The following EBF3 variants were observed in gnomAD, a reference collection of about 807,000 sequenced individuals.
EBF3 encodes EBF transcription factor 3.
Under a neutral mutation model 77.1 loss-of-function variants are expected in EBF3, and 18 were observed. That is an observed-to-expected ratio of 0.23 (90% CI 0.16 to 0.35). The LOEUF (loss-of-function observed/expected upper bound fraction) is 0.35. EBF3 is among the 10% of genes least tolerant of loss of function. The probability of loss-of-function intolerance (pLI) is 1.00; values close to 1 mark genes in which losing one functional copy is unlikely to be tolerated. For missense variants in EBF3, 558 were observed against 860.0 expected (o/e 0.65, Z 4.39); for synonymous variants, 350 against 343.5 (o/e 1.02, Z -0.21).
chr10:129,871,528 T>C (rs4750779), intron 8 of EBF3, among the ~76,000 whole-genome samples: 71,302 of 151,840 alleles, frequency 0.47, 17,229 homozygotes, highest in Non-Finnish European at 0.52. Context: ...GGGGGCACTT[T>C]CCTTAAAGGA....
intron 6 of EBF3, among the ~76,000 whole-genome samples, chr10:129,927,110 C>A (rs908931366): frequency 6.6e-6 from 1 of 152,186 alleles, no homozygotes; most frequent in Non-Finnish European, 1.5e-5. Context: ...CACTGCCAGT[C>A]CATTCAGTTG....
Position 129,963,708 on chromosome 10 carries a change from C to A in EBF3, c.61G>T (p.Gly21Cys), listed in dbSNP as rs150909132. Residue 21 changes from glycine (G) to cysteine (C), a missense_variant, in exon 1 of 17, where the codon GGC (glycine) becomes TGC (cysteine). Gly to Cys is a radical substitution (Grantham distance 159). Around this residue, in one of 5 missense-constraint regions of EBF3, gnomAD observed 64 missense variants for 54.5 expected, o/e 1.18. Transcript: ENST00000440978. This position sits in a 1 kb window ranked among gnomAD's most constrained non-coding sequence, Gnocchi z 7.1. ...GAGCGCACCGGGTTCATGCCGCTGC[C>A]CAGCGGCTCCTCCTTCATGGTCGTC... Reference protein sequence around the residue: ...GGTTMKEEPLGSGMNPVRSWM... With the variant: ...GGTTMKEEPLCSGMNPVRSWM... 3 of 1,535,910 alleles carry A rather than the reference C, an allele frequency of 2.0e-6. No individual in the cohort carries two copies. The African/African-American group carries it at 4.3e-5, about 22-fold the overall frequency.
chr10:129,881,294 C>T (rs570587192), intron 6 of EBF3, among the ~76,000 whole-genome samples: 61 of 152,216 alleles, frequency 4.0e-4, no homozygotes, highest in Non-Finnish European at 7.2e-4. Context: ...TCTCTCGTTG[C>T]ATCTGTTGGC....
chr10:129,872,248 T>C (rs990232217), intron 8 of EBF3, among the ~76,000 whole-genome samples: 4 of 152,160 alleles, frequency 2.6e-5, no homozygotes, highest in African/African-American at 4.8e-5. Context: ...TTAGTGACGG[T>C]TGCTAAGCAA....
At chr10:129,912,203 C>T (rs1564881684) in intron 6 of EBF3, among the ~76,000 whole-genome samples, 1 of 152,160 alleles carries the variant, frequency 6.6e-6, no homozygotes, top group African/African-American at 2.4e-5. Context: ...TCCTGGCCTC[C>T]AAGGTAGAGG....
chr10:129,871,808 C>A (rs543134458), intron 8 of EBF3, among the ~76,000 whole-genome samples: 7 of 152,256 alleles, frequency 4.6e-5, no homozygotes, highest in Admixed American at 2.6e-4. Flanking sequence ...CTCAGAGTCA[C>A]CCTATTGGCA....
At chr10:129,844,190 C>CT (rs1228233575) in intron 11 of EBF3, among the ~76,000 whole-genome samples, 4 of 152,160 alleles carry the variant, frequency 2.6e-5, no homozygotes, top group Non-Finnish European at 5.9e-5. Flanking sequence ...CTGCGGACCC[C>CT]AGGCCCGGTC....
At chr10:129,948,250 A>G (rs1298005044) in intron 6 of EBF3, among the ~76,000 whole-genome samples, 1 of 124,874 alleles carries the variant, frequency 8.0e-6, no homozygotes, top group Non-Finnish European at 1.7e-5. Flanking sequence ...AAGAGCAAAA[A>G]CTCCGTCTCA....
intron 6 of EBF3, among the ~76,000 whole-genome samples, chr10:129,905,305 C>A (rs2134262952): frequency 6.6e-6 from 1 of 152,254 alleles, no homozygotes; most frequent in Admixed American, 6.5e-5. Flanking sequence ...TCCAATACAC[C>A]AGATTCCCAA....
intron 6 of EBF3, among the ~76,000 whole-genome samples, chr10:129,896,493 C>T (rs926007288): frequency 3.9e-5 from 6 of 152,206 alleles, no homozygotes; most frequent in Admixed American, 6.5e-5. Context: ...GCTGGCTGGA[C>T]GGGGCGGGGG....
At chr10:129,918,288 G>C (rs1856028492) in intron 6 of EBF3, among the ~76,000 whole-genome samples, 1 of 152,242 alleles carries the variant, frequency 6.6e-6, no homozygotes, top group Non-Finnish European at 1.5e-5. Flanking sequence ...GCTGGGTCCA[G>C]GGGCCAAGAC....
intron 6 of EBF3, among the ~76,000 whole-genome samples, chr10:129,927,395 T>C (rs1030010141): frequency 1.3e-5 from 2 of 152,212 alleles, no homozygotes; most frequent in African/African-American, 4.8e-5. Context: ...CTATATACCA[T>C]CTTCATGCAA....
In EBF3 at chr10:129,885,807, C is replaced by T. The variant is rs1309501185; in HGVS notation, c.555-7958G>A. Among the ~76,000 whole-genome samples, 1 of 152,128 alleles carries T rather than the reference C, an allele frequency of 6.6e-6. No homozygotes were observed. The highest frequency in any genetic ancestry group is 1.9e-4 in the East Asian group (1 of 5,184). ...ATCACTTGGCTCACAACAGACGCAC[C>T]CCCCTGACTTGTTGCCAGCTCCAGG... On this transcript the variant is annotated intron_variant, in intron 6 of 16. Coordinates refer to ENST00000440978, the MANE Select transcript of EBF3 (RefSeq NM_001375380.1). This position sits in a 1 kb window ranked among gnomAD's most constrained non-coding sequence, Gnocchi z 4.0.
In EBF3 at chr10:129,841,417, G is replaced by A. The variant is rs1041382313; in HGVS notation, c.1373-385C>T. 1.3e-5 allele frequency among the ~76,000 whole-genome samples: 2 copies of A among 152,144 alleles called. No individual in the cohort carries two copies. Among genetic ancestry groups the A allele is most frequent in the African/African-American group, 2.4e-5 (1 of 41,416 alleles). On this transcript the variant is annotated intron_variant, in intron 13 of 16. Coordinates refer to ENST00000440978, the MANE Select transcript of EBF3 (RefSeq NM_001375380.1). This position sits in a 1 kb window ranked among gnomAD's most constrained non-coding sequence, Gnocchi z 4.6. ...TGACAAGGAGAGCTTGTTTGTGGCC[G>A]TAACTTCCCCTGAAAGGCTGTTTGG... is the stretch of plus-strand genomic sequence containing the variant.
In EBF3 at chr10:129,841,888, T is replaced by C. The variant is rs1166982781; in HGVS notation, c.1372+228A>G. ...ATACCAGTGACCCGCATGGCATCCATTGGAGCTGCCGTTTTTAGTAACTGG... is the reference window on the plus strand; with the variant it reads ...ATACCAGTGACCCGCATGGCATCCACTGGAGCTGCCGTTTTTAGTAACTGG... On this transcript the variant is annotated intron_variant, in intron 13 of 16. Coordinates refer to ENST00000440978, the MANE Select transcript of EBF3 (RefSeq NM_001375380.1). This position sits in a 1 kb window ranked among gnomAD's most constrained non-coding sequence, Gnocchi z 4.6. Among the ~76,000 whole-genome samples the C allele has an allele frequency of 2.6e-5, 4 of 152,188 alleles. No homozygotes were observed. Among genetic ancestry groups the C allele is most frequent in the Non-Finnish European group, 5.9e-5 (4 of 68,032 alleles).
At chr10:129,919,510 C>A (rs1242175166) in intron 6 of EBF3, among the ~76,000 whole-genome samples, 3 of 152,138 alleles carry the variant, frequency 2.0e-5, no homozygotes, top group Non-Finnish European at 2.9e-5. Context: ...AAGGGGCCAA[C>A]AACTTTCACT....
At position 129,842,007 on chromosome 10, in the gene EBF3, C is replaced by T. The variant is rs958926805; in HGVS notation, c.1372+109G>A. 8.6e-5 allele frequency: 121 copies of T among 1,408,552 alleles called. No homozygotes were observed. The highest frequency in any genetic ancestry group is 1.1e-4 in the Non-Finnish European group (111 of 1,022,414). The allele number at this position is 1,408,552 out of a possible 1,614,324, so 87.3% of individuals were successfully genotyped here. On this transcript the variant is annotated intron_variant, in intron 13 of 16. Coordinates refer to ENST00000440978, the MANE Select transcript of EBF3 (RefSeq NM_001375380.1). This position sits in a 1 kb window ranked among gnomAD's most constrained non-coding sequence, Gnocchi z 4.4. Reference sequence around the variant, plus strand: ...ACCAGCAGAGCCAGAGAGAACAGAACGCTACGGACATTCCCCAGCTGGCCC... The same window carrying T: ...ACCAGCAGAGCCAGAGAGAACAGAATGCTACGGACATTCCCCAGCTGGCCC...
At chr10:129,872,817 A>G (rs1852493402) in intron 8 of EBF3, among the ~76,000 whole-genome samples, 1 of 152,202 alleles carries the variant, frequency 6.6e-6, no homozygotes, top group Non-Finnish European at 1.5e-5. Context: ...ACTGTGTCTG[A>G]GTCTTTCTGC....
chr10:129,865,547 G>A (rs1306365115), intron 10 of EBF3, among the ~76,000 whole-genome samples: 1 of 152,140 alleles, frequency 6.6e-6, no homozygotes, highest in African/African-American at 2.4e-5. Context: ...CCTAGTGTGG[G>A]GCAGGCACTG....
Sources: allele counts gnomAD v4.1 joint callset (sites outside exome capture counted in the v4.1 genomes callset), GRCh38; gene constraint gnomAD v4.1.1; regional missense constraint gnomAD v4.1.1; non-coding constraint Gnocchi (gnomAD v3.1); transcripts MANE v1.5; gene names NCBI Gene and HGNC (gene_info 2026-07-23, HGNC 2026-07-21).